The following PRKDC variants were observed in gnomAD, a reference collection of about 807,000 sequenced individuals.
PRKDC encodes the protein DNA-dependent protein kinase catalytic subunit.
In PRKDC, 82 loss-of-function variants were observed where a neutral mutation model predicts 486.9. The observed-to-expected ratio is 0.17, with a 90% CI of 0.14 to 0.20. The LOEUF (loss-of-function observed/expected upper bound fraction) is 0.20, where lower values mean the gene tolerates loss of function less well. PRKDC is among the 10% of genes least tolerant of loss of function. The pLI is 1.00. For missense variants in PRKDC, 4,504 were observed against 5,038.2 expected (o/e 0.89, Z 3.21); for synonymous variants, 1,895 against 1,837.0 (o/e 1.03, Z -0.81).
chr8:47,897,119 T>C (rs1181813336), intron 30 of PRKDC, 42 bp downstream of exon 30: 1 of 1,534,760 alleles, frequency 6.5e-7, no homozygotes, highest in East Asian at 2.3e-5. Flanking sequence ...AATGGGATAA[T>C]AAAGCACCGT....
chr8:47,826,946 TA>T, intron 62 of PRKDC, 85 bp from the exon 63 acceptor site: 1 of 1,322,372 alleles, frequency 7.6e-7, no homozygotes, highest in Non-Finnish European at 1.0e-6. Flanking sequence ...TTACTAAACA[TA>T]AAAGGTACCC....
chr8:47,932,738 T>G (rs2090278297), intron 16 of PRKDC, among the ~76,000 whole-genome samples: 1 of 152,166 alleles, frequency 6.6e-6, no homozygotes, highest in South Asian at 2.1e-4. Context: ...TTTCTGTCAC[T>G]CTTTACTATT....
chr8:47,812,138 C>G (rs929453471), intron 68 of PRKDC, among the ~76,000 whole-genome samples: 1 of 152,076 alleles, frequency 6.6e-6, no homozygotes, highest in East Asian at 1.9e-4. Context: ...AAATACAGTA[C>G]GTAAAAATAC....
intron 29 of PRKDC, among the ~76,000 whole-genome samples, chr8:47,897,510 G>GAGCA (rs1170377579): frequency 6.6e-6 from 1 of 152,190 alleles, no homozygotes; most frequent in African/African-American, 2.4e-5. Flanking sequence ...ATTTTTTCAT[G>GAGCA]TGGGGAAAAA....
At chr8:47,913,865 G>C (rs1405045393) in intron 24 of PRKDC, 36 bp downstream of exon 24, 1 of 1,557,218 alleles carries the variant, frequency 6.4e-7, no homozygotes, top group Admixed American at 1.9e-5. Flanking sequence ...AAAGCAATAG[G>C]ATCTAAATAA....
chr8:47,789,277 T>C (rs1258876094), intron 74 of PRKDC, 39 bp from the exon 75 acceptor site: 1 of 1,230,592 alleles, frequency 8.1e-7, no homozygotes, highest in African/African-American at 1.5e-5. Context: ...CAATCAAATA[T>C]CTTCCAAAAA....
At chr8:47,883,909 T>C (rs1008112547) in intron 36 of PRKDC, among the ~76,000 whole-genome samples, 31 of 152,230 alleles carry the variant, frequency 2.0e-4, no homozygotes, top group African/African-American at 6.5e-4. Context: ...CTGGAAGCGC[T>C]GTGCAGCGTG....
intron 21 of PRKDC, among the ~76,000 whole-genome samples, chr8:47,925,862 C>A (rs1253002583): frequency 6.6e-6 from 1 of 152,144 alleles, no homozygotes; most frequent in Non-Finnish European, 1.5e-5. Flanking sequence ...ACATGGAGTT[C>A]TTTTTACTGT....
chr8:47,836,420 C>A lies in PRKDC; in HGVS notation c.7869G>T (p.Gly2623=). The change falls in exon 58 of 86, where the codon GGG becomes GGT. Residue 2623 remains glycine (G), a synonymous_variant. Coordinates refer to ENST00000314191, the MANE Select transcript of PRKDC (RefSeq NM_006904.7). ...CCACTGGCCAGCGAGCTGAGAGGGA[C>A]CCTTCCTGGGTACGGGTCTGGAGAG... ...QGTLQTRTQE[G]SLSARWPVAG... 1 of 1,612,988 alleles carries A rather than the reference C, an allele frequency of 6.2e-7. No homozygotes were observed.
chr8:47,784,937 T>C (rs2086766014), intron 77 of PRKDC, among the ~76,000 whole-genome samples, 176 bp downstream of exon 77: 1 of 152,240 alleles, frequency 6.6e-6, no homozygotes, highest in Non-Finnish European at 1.5e-5. Context: ...TAGTAATGTG[T>C]GCTCATTCAT....
At position 47,859,612 on chromosome 8, in the gene PRKDC, C is replaced by T. The variant is rs201879882; in HGVS notation, c.6206G>A (p.Arg2069Gln). The T allele has an allele frequency of 3.7e-4, 602 of 1,611,230 alleles. No individual in the cohort carries two copies. Among genetic ancestry groups the T allele is most frequent in the Non-Finnish European group, 4.9e-4 (582 of 1,178,730 alleles). Reference protein sequence around the residue: ...PRPATGRFRRREQRDPTVHDD... With the variant: ...PRPATGRFRRQEQRDPTVHDD... ...TTTTAGTATGTGAAATGTGATCACC[C>T]GTCTCCGAAAACGACCAGTGGCAGG... Residue 2069 changes from arginine (R) to glutamine (Q), a missense_variant and splice_region_variant, in exon 46 of 86, where the codon CGG becomes CAG. By Grantham distance (43) the Arg-to-Gln change is conservative. Coordinates refer to ENST00000314191, the MANE Select transcript of PRKDC (RefSeq NM_006904.7).
chr8:47,924,120 C>T (rs2090118571), intron 21 of PRKDC, among the ~76,000 whole-genome samples: 1 of 152,196 alleles, frequency 6.6e-6, no homozygotes, highest in African/African-American at 2.4e-5. Context: ...CAAGTCATCA[C>T]TACTTTTGCC....
chr8:47,959,859 T>C (rs1227979288), intron 1 of PRKDC, 114 bp downstream of exon 1: 13 of 1,452,086 alleles, frequency 9.0e-6, no homozygotes, highest in Middle Eastern at 2.2e-4. Context: ...AAGAATCTAA[T>C]TGCTGTACTT....
intron 40 of PRKDC, among the ~76,000 whole-genome samples, chr8:47,871,349 A>C (rs952354282): frequency 6.6e-6 from 1 of 152,208 alleles, no homozygotes; most frequent in Non-Finnish European, 1.5e-5. Context: ...AGGGGAAAGA[A>C]ACAAGTAACA....
intron 60 of PRKDC, 115 bp from the exon 61 acceptor site, chr8:47,830,851 C>A: frequency 3.8e-6 from 5 of 1,302,304 alleles, no homozygotes; most frequent in Admixed American, 1.8e-5. Flanking sequence ...GTGGTGGGAA[C>A]TGATGCTCGC....
intron 40 of PRKDC, among the ~76,000 whole-genome samples, chr8:47,876,074 T>C (rs1289795314): frequency 6.6e-6 from 1 of 152,156 alleles, no homozygotes; most frequent in African/African-American, 2.4e-5. Flanking sequence ...AGACAGAAAG[T>C]AGATTAGTGT....
chr8:47,830,794 T>A, intron 60 of PRKDC, 58 bp from the exon 61 acceptor site: 2 of 1,605,820 alleles, frequency 1.2e-6, no homozygotes, highest in Non-Finnish European at 1.7e-6. Flanking sequence ...AAACTAGTCG[T>A]GCATGAGCTA....
intron 30 of PRKDC, 149 bp from the exon 31 acceptor site, chr8:47,893,536 G>C: frequency 1.2e-6 from 1 of 817,894 alleles, no homozygotes; most frequent in South Asian, 3.3e-5. Flanking sequence ...TTCCAAGAAG[G>C]TATTTCCACC....
At chr8:47,780,795 G>A (rs1412917066) in intron 80 of PRKDC, among the ~76,000 whole-genome samples, 1 of 152,088 alleles carries the variant, frequency 6.6e-6, no homozygotes, top group African/African-American at 2.4e-5. Context: ...AAAATTAGCT[G>A]GGCATGGTGG....
Sources: gnomAD v4.1 joint callset for allele counts (sites outside exome capture counted in the v4.1 genomes callset) on GRCh38, gnomAD v4.1.1 for gene constraint, MANE v1.5 for transcripts, NCBI Gene and HGNC (gene_info 2026-07-23, HGNC 2026-07-21) for gene names.